Variants in MTBP observed in about 807,000 individuals in gnomAD.
MTBP encodes the protein MDM2 binding protein, also known as mdm2-binding protein.
A neutral mutation model predicts 117.0 loss-of-function variants in MTBP; 101 were observed. The observed-to-expected ratio is 0.86, with a 90% CI of 0.73 to 1.02. The LOEUF is 1.02. MTBP is among the 50% of genes least tolerant of loss of function. MTBP has a pLI of 0.00. For synonymous variants in MTBP, 350 were observed against 351.5 expected (o/e 1.00, Z 0.05); for missense variants, 970 against 1,030.9 (o/e 0.94, Z 0.81).
intron 4 of MTBP, chr8:120,452,829 C>CAAAAA (rs33959012): frequency 3.5e-5 from 3 of 86,060 alleles, no homozygotes; most frequent in African/African-American, 4.9e-5. Flanking sequence ...CACTCCGTCT[C>CAAAAA]AAAAAAAAAA....
At chr8:120,459,433 C>G in intron 8 of MTBP, 84 bp downstream of exon 8, 1 of 1,338,122 alleles carries the variant, frequency 7.5e-7, no homozygotes, top group Non-Finnish European at 1.0e-6. Flanking sequence ...CTTAATATTA[C>G]TAATATATGT....
intron 20 of MTBP, among the ~76,000 whole-genome samples, chr8:120,521,359 T>G (rs190751418): frequency 6.6e-6 from 1 of 152,284 alleles, no homozygotes; most frequent in Admixed American, 6.5e-5. Flanking sequence ...ATTGAAAGTA[T>G]TTACATAGAT....
At chr8:120,453,173 G>A (rs1813394339) in intron 4 of MTBP, among the ~76,000 whole-genome samples, 1 of 151,976 alleles carries the variant, frequency 6.6e-6, no homozygotes, top group Admixed American at 6.6e-5. Context: ...AAAAATGGCT[G>A]GGTGCAGTGG....
rs1586966901 is a variant in MTBP at position 120,503,771 on chromosome 8, A to G, written c.1727+1162A>G. On this transcript the variant is annotated intron_variant, in intron 15 of 21. Transcript: ENST00000305949. Reference sequence around the variant, plus strand: ...TGAGAGATGACTGTAATTTCAAACTAGAGCAGTAGTAGTGGAAATAAATTT... The same window carrying G: ...TGAGAGATGACTGTAATTTCAAACTGGAGCAGTAGTAGTGGAAATAAATTT... 3.3e-5 allele frequency among the ~76,000 whole-genome samples: 5 copies of G among 152,302 alleles called. No homozygotes were observed. In the South Asian group the frequency reaches 8.3e-4, roughly 25 times the overall value.
rs909447125 is a variant in MTBP at position 120,446,434 on chromosome 8, C to A, written c.120C>A (p.Asp40Glu). The part of the protein sequence containing the change: ...SSGEGTENQP[D>E]FTAANVYHLL... ...GTTAGTCTATCTTTTCTTTTTCAGACTTCACAGCAGCAAATGTTTATCACC... is the reference window on the plus strand; with the variant it reads ...GTTAGTCTATCTTTTCTTTTTCAGAATTCACAGCAGCAAATGTTTATCACC... The change falls in exon 2 of 22, where the codon GAC becomes GAA. Residue 40 changes from aspartate to glutamate, a missense_variant and splice_region_variant. Coordinates refer to ENST00000305949, the MANE Select transcript of MTBP (RefSeq NM_022045.5). The A allele has an allele frequency of 2.5e-6, 4 of 1,600,106 alleles. No homozygotes were observed. In the South Asian group the frequency reaches 4.4e-5, roughly 18 times the overall value.
rs141824798 is a variant in MTBP, at chr8:120,453,852, A to G, written c.431A>G (p.Tyr144Cys). 3.0e-3 allele frequency: 4,736 copies of G among 1,572,622 alleles called. 44 individuals carry two copies. In the Middle Eastern group the frequency reaches 0.038, roughly 13 times the overall value. The change falls in exon 5 of 22, where the codon TAT becomes TGT. Residue 144 changes from tyrosine (Y) to cysteine (C), a missense_variant. Coordinates refer to ENST00000305949, the MANE Select transcript of MTBP (RefSeq NM_022045.5). Reference sequence around the variant, plus strand: ...AACTTACCCTTTTATTTTAGTCTCTATGAAGAAGCTGCAGAAAATTTGCAT... The same window carrying G: ...AACTTACCCTTTTATTTTAGTCTCTGTGAAGAAGCTGCAGAAAATTTGCAT... ...SRESLSLADL[Y>C]EEAAENLHQL...
intron 13 of MTBP, among the ~76,000 whole-genome samples, chr8:120,491,460 G>T (rs1038567349): frequency 2.0e-5 from 3 of 152,028 alleles, no homozygotes; most frequent in Non-Finnish European, 4.4e-5. Context: ...CTAACCATTG[G>T]TGTGTTGTTT....
chr8:120,476,392 G>C lies in MTBP; in HGVS notation c.1165+5455G>C, dbSNP rs376068416. ...ACCACTCCTATTCAACATAGTATTGGAAGTTCTGGCCAAGGTAATCAGGCA... is the reference window on the plus strand; with the variant it reads ...ACCACTCCTATTCAACATAGTATTGCAAGTTCTGGCCAAGGTAATCAGGCA... On this transcript the variant is annotated intron_variant, in intron 11 of 21. Coordinates refer to ENST00000305949, the MANE Select transcript of MTBP (RefSeq NM_022045.5). Among the ~76,000 whole-genome samples the C allele has an allele frequency of 7.3e-4, 111 of 152,144 alleles. 1 individual carries two copies. The highest frequency in any genetic ancestry group is 2.6e-3 in the African/African-American group (106 of 41,532).
intron 5 of MTBP, among the ~76,000 whole-genome samples, chr8:120,454,653 A>C (rs140982921): frequency 6.6e-6 from 1 of 152,176 alleles, no homozygotes; most frequent in African/African-American, 2.4e-5. Context: ...AGTCAGCCAG[A>C]TCTCTATATT....
At chr8:120,510,103 TA>T in intron 17 of MTBP, 74 bp downstream of exon 17, 1 of 1,059,038 alleles carries the variant, frequency 9.4e-7, no homozygotes, top group Non-Finnish European at 1.4e-6. Flanking sequence ...GTGACTTTAA[TA>T]AAATGATATA....
chr8:120,473,201 G>A (rs1160117095), intron 11 of MTBP: 1 of 151,914 alleles, frequency 6.6e-6, no homozygotes, highest in Non-Finnish European at 1.5e-5. Context: ...ATTCTTCTTG[G>A]TTATTAATTT....
chr8:120,486,697 C>A (rs868455895), intron 11 of MTBP, among the ~76,000 whole-genome samples: 1 of 152,046 alleles, frequency 6.6e-6, no homozygotes, highest in Non-Finnish European at 1.5e-5. Flanking sequence ...GCCACAGCCG[C>A]TTGGATTGGA....
chr8:120,502,100 A>G (rs1814598500), intron 14 of MTBP, among the ~76,000 whole-genome samples: 1 of 152,180 alleles, frequency 6.6e-6, no homozygotes, highest in Non-Finnish European at 1.5e-5. Context: ...TATTTGTGCT[A>G]ATTCCTATTT....
chr8:120,518,736 G>GA lies in MTBP; in HGVS notation c.2532dup (p.His845ThrfsTer8). 1 of 1,610,908 alleles carries GA rather than the reference G, an allele frequency of 6.2e-7. No homozygotes were observed. The highest frequency in any genetic ancestry group is 8.5e-7 in the Non-Finnish European group (1 of 1,178,256). ...AAGAAGTAGTTACTGAAACCCTGAAGAAACACAGTATTACCGAGACTCATG... is the reference window on the plus strand; with the variant it reads ...AAGAAGTAGTTACTGAAACCCTGAAGAAAACACAGTATTACCGAGACTCATG... On this transcript the variant is annotated frameshift_variant, in exon 20 of 22. Transcript: ENST00000305949. LOFTEE classifies it high-confidence loss of function.
At chr8:120,506,682 A>G (rs1814692860) in intron 15 of MTBP, 24 bp from the exon 16 acceptor site, 2 of 1,543,902 alleles carry the variant, frequency 1.3e-6, no homozygotes, top group Non-Finnish European at 1.7e-6. Context: ...CTTTTAATAA[A>G]TCTGCATAAC....
chr8:120,462,878 C>CT lies in MTBP; in HGVS notation c.978-814_978-813insT, dbSNP rs777566332. Among the ~76,000 whole-genome samples the CT allele has an allele frequency of 8.4e-4, 128 of 152,198 alleles. 1 individual carries two copies. Among genetic ancestry groups the CT allele is most frequent in the Admixed American group, 1.7e-3 (26 of 15,278 alleles). On this transcript the variant is annotated intron_variant, in intron 9 of 21. Transcript: ENST00000305949. ...AATATTGGGTTTCCATATAAAATGT[C>CT]ACTTGCAAAAAGTTGCTGCATTAAA...
intron 11 of MTBP, among the ~76,000 whole-genome samples, chr8:120,484,437 CTG>C (rs1814166102): frequency 1.3e-5 from 2 of 151,996 alleles, no homozygotes; most frequent in South Asian, 2.1e-4. Flanking sequence ...ATGAAATAAA[CTG>C]TAGCTATTGT....
chr8:120,522,669 A>G lies in MTBP; in HGVS notation c.2626A>G (p.Arg876Gly), dbSNP rs753825471. Residue 876 changes from arginine (R) to glycine (G), a missense_variant, in exon 21 of 22, where the codon AGG (arginine) becomes GGG (glycine). Arg to Gly is a moderately radical substitution (Grantham distance 125). Coordinates refer to ENST00000305949, the MANE Select transcript of MTBP (RefSeq NM_022045.5). ...TTATGTTTAGGATCTTAAAACTTCA[A>G]GGGGTCTATTTGAAGAAATGAAGAA... Reference protein sequence around the residue: ...KFYLKDLKTSRGLFEEMKKTA... With the variant: ...KFYLKDLKTSGGLFEEMKKTA... The G allele has an allele frequency of 6.2e-7, 1 of 1,604,730 alleles. No homozygotes were observed. The highest frequency in any genetic ancestry group is 8.5e-7 in the Non-Finnish European group (1 of 1,173,442).
At chr8:120,495,133 T>C (rs1814424696) in intron 13 of MTBP, among the ~76,000 whole-genome samples, 1 of 152,174 alleles carries the variant, frequency 6.6e-6, no homozygotes, top group Non-Finnish European at 1.5e-5. Context: ...CCAGTCACTT[T>C]TTGAACAAAA....
Sources: allele counts gnomAD v4.1 joint callset (sites outside exome capture counted in the v4.1 genomes callset), GRCh38; gene constraint gnomAD v4.1.1; transcripts MANE v1.5; gene names NCBI Gene and HGNC (gene_info 2026-07-23, HGNC 2026-07-21).